NALF1: variants seen among roughly 807,000 people sequenced by gnomAD.
NALF1 encodes NALCN channel auxiliary factor 1.
A neutral mutation model predicts 48.4 loss-of-function variants in NALF1; 3 were observed. That is an observed-to-expected ratio of 0.06 (90% CI 0.03 to 0.16). The LOEUF (loss-of-function observed/expected upper bound fraction) is 0.16. NALF1 is among the 10% of genes least tolerant of loss of function. NALF1 has a pLI of 1.00. For synonymous variants in NALF1, 262 were observed against 245.7 expected (o/e 1.07, Z -0.62); for missense variants, 526 against 571.5 (o/e 0.92, Z 0.81).
At chr13:107,226,557 G>A (rs1880111617) in intron 1 of NALF1, among the ~76,000 whole-genome samples, 1 of 152,128 alleles carries the variant, frequency 6.6e-6, no homozygotes, top group Non-Finnish European at 1.5e-5. Context: ...CCTGTTGCTC[G>A]AATTTCATAG....
At chr13:107,768,422 T>C (rs1877477952) in intron 1 of NALF1, among the ~76,000 whole-genome samples, 1 of 152,214 alleles carries the variant, frequency 6.6e-6, no homozygotes, top group African/African-American at 2.4e-5. Flanking sequence ...TTGAAAATAT[T>C]CTAATACGAT....
intron 1 of NALF1, among the ~76,000 whole-genome samples, chr13:107,377,483 G>A (rs562809856): frequency 6.6e-6 from 1 of 152,226 alleles, no homozygotes; most frequent in African/African-American, 2.4e-5. Flanking sequence ...TTATCAGGAG[G>A]TCATAGAAAT....
At chr13:107,558,489 C>T (rs1019166080) in intron 1 of NALF1, among the ~76,000 whole-genome samples, 4 of 152,152 alleles carry the variant, frequency 2.6e-5, no homozygotes, top group African/African-American at 7.2e-5. Context: ...AATGATCCCA[C>T]AACAAATAAA....
rs188758840 is a variant in NALF1 at position 107,481,453 on chromosome 13, A to T, written c.916-270698T>A. Among the ~76,000 whole-genome samples, 11 of 152,312 alleles carry T rather than the reference A, an allele frequency of 7.2e-5. No individual in the cohort carries two copies. In the East Asian group the frequency reaches 2.1e-3, roughly 29 times the overall value. On this transcript the variant is annotated intron_variant, in intron 1 of 2. Transcript: ENST00000375915. ...AAAAGTTAATTTCTTTGCTATTAAA[A>T]ATAAGTTATTATAAAAGCAATTAAA...
intron 1 of NALF1, among the ~76,000 whole-genome samples, chr13:107,723,122 G>A (rs2138529192): frequency 6.6e-6 from 1 of 152,242 alleles, no homozygotes; most frequent in Middle Eastern, 3.4e-3. Flanking sequence ...CATTCAGTCA[G>A]CGGATTGGGC....
At chr13:107,468,056 AAAAAAAAAAAGTATTAAAATC>A (rs1209176297) in intron 1 of NALF1, among the ~76,000 whole-genome samples, 1 of 151,842 alleles carries the variant, frequency 6.6e-6, no homozygotes, top group Non-Finnish European at 1.5e-5. Flanking sequence ...TCAAAAAAAA[AAAAAAAAAAAGTATTAAAATC>A]AGCAACTGTC....
intron 1 of NALF1, among the ~76,000 whole-genome samples, chr13:107,803,507 T>G (rs1878683492): frequency 6.6e-6 from 1 of 152,152 alleles, no homozygotes; most frequent in Admixed American, 6.6e-5. Context: ...CATTAAGAAA[T>G]ATTTGATGAA....
At chr13:107,173,713 A>T (rs1878852796) in intron 2 of NALF1, among the ~76,000 whole-genome samples, 1 of 152,176 alleles carries the variant, frequency 6.6e-6, no homozygotes, top group African/African-American at 2.4e-5. Flanking sequence ...GGAAAAGCTC[A>T]TGAGGGCGAA....
intron 1 of NALF1, among the ~76,000 whole-genome samples, chr13:107,327,744 G>A (rs72650543): frequency 0.041 from 6,294 of 152,088 alleles, 203 homozygotes; most frequent in East Asian, 0.16. Flanking sequence ...AATGGCTAAT[G>A]GTTTGCTCTT....
Position 107,819,683 on chromosome 13 carries a change from T to TTCTCTCTCTCTCTCTCTCTCTC in NALF1, c.915+45977_915+45998dup, listed in dbSNP as rs35254661. Reference sequence around the variant, plus strand: ...TGAATCTGCTGTCTCCAGCTGGAAATTCTCTCTCTCTCTCTCTCTCTCTCT... The same window carrying TTCTCTCTCTCTCTCTCTCTCTC: ...TGAATCTGCTGTCTCCAGCTGGAAATTCTCTCTCTCTCTCTCTCTCTCTCTCTCTCTCTCTCTCTCTCTCTCT... On this transcript the variant is annotated intron_variant, in intron 1 of 2. Transcript: ENST00000375915. Among the ~76,000 whole-genome samples the TTCTCTCTCTCTCTCTCTCTCTC allele has an allele frequency of 1.7e-4, 23 of 136,542 alleles. 1 individual carries two copies. In the East Asian group the frequency reaches 2.3e-3, roughly 13 times the overall value. The allele number at this position is 136,542 out of a possible 152,430, so 89.6% of individuals were successfully genotyped here.
intron 1 of NALF1, among the ~76,000 whole-genome samples, chr13:107,335,545 G>T (rs1433861638): frequency 6.6e-6 from 1 of 152,142 alleles, no homozygotes; most frequent in Non-Finnish European, 1.5e-5. Context: ...CACTTTAAAA[G>T]TAATTTGAAA....
intron 1 of NALF1, among the ~76,000 whole-genome samples, chr13:107,736,884 C>A (rs557074119): frequency 6.6e-6 from 1 of 152,316 alleles, no homozygotes; most frequent in African/African-American, 2.4e-5. Context: ...GAATGCAGCT[C>A]CACCATATTA....
At chr13:107,455,896 T>C (rs1884816931) in intron 1 of NALF1, among the ~76,000 whole-genome samples, 1 of 152,122 alleles carries the variant, frequency 6.6e-6, no homozygotes, top group African/African-American at 2.4e-5. Flanking sequence ...TATGGGTTCA[T>C]TGTTAGGATG....
intron 1 of NALF1, among the ~76,000 whole-genome samples, chr13:107,267,760 C>T (rs1881071284): frequency 6.6e-6 from 1 of 152,112 alleles, no homozygotes; most frequent in Non-Finnish European, 1.5e-5. Context: ...TTGGGCCATT[C>T]TTAAGTAAAA....
At chr13:107,545,748 A>G (rs1877120184) in intron 1 of NALF1, among the ~76,000 whole-genome samples, 1 of 152,096 alleles carries the variant, frequency 6.6e-6, no homozygotes, top group Admixed American at 6.5e-5. Flanking sequence ...TGGGGTGGAA[A>G]CAGGCAAGAT....
At chr13:107,794,406 G>C (rs1878347039) in intron 1 of NALF1, among the ~76,000 whole-genome samples, 4 of 151,478 alleles carry the variant, frequency 2.6e-5, no homozygotes, top group Admixed American at 2.6e-4. Context: ...TGGAAAGAGG[G>C]AGACAAGGTA....
intron 1 of NALF1, among the ~76,000 whole-genome samples, chr13:107,806,158 G>C (rs1205797732): frequency 6.6e-6 from 1 of 152,066 alleles, no homozygotes; most frequent in Non-Finnish European, 1.5e-5. Flanking sequence ...CGTTTTAGAG[G>C]GCTGACCTAG....
chr13:107,417,622 T>C (rs945598041), intron 1 of NALF1, among the ~76,000 whole-genome samples: 2 of 152,174 alleles, frequency 1.3e-5, no homozygotes, highest in Admixed American at 6.5e-5. Flanking sequence ...AGCAATGGGA[T>C]CCATGTACGG....
intron 1 of NALF1, among the ~76,000 whole-genome samples, chr13:107,831,866 C>T (rs1465615536): frequency 6.6e-6 from 1 of 152,090 alleles, no homozygotes; most frequent in Non-Finnish European, 1.5e-5. Flanking sequence ...GGTTTAAATT[C>T]ATTTGATAAT....
Sources: gnomAD v4.1 joint callset for allele counts (sites outside exome capture counted in the v4.1 genomes callset) on GRCh38, gnomAD v4.1.1 for gene constraint, MANE v1.5 for transcripts, NCBI Gene and HGNC (gene_info 2026-07-23, HGNC 2026-07-21) for gene names.